The following PITPNC1 variants were observed in gnomAD, a reference collection of about 807,000 sequenced individuals.
The protein encoded by PITPNC1 is cytoplasmic phosphatidylinositol transfer protein 1.
In PITPNC1, 18 loss-of-function variants were observed where a neutral mutation model predicts 44.7. The observed-to-expected ratio is 0.40, with a 90% CI of 0.28 to 0.60. The LOEUF (loss-of-function observed/expected upper bound fraction) is 0.60. Among genes scored for constraint, PITPNC1 ranks in the 20% least tolerant of loss-of-function variants. The pLI is 0.39. For synonymous variants in PITPNC1, 141 were observed against 149.6 expected, an observed-to-expected ratio of 0.94 and a Z score of 0.42; for missense variants, 290 against 418.4, an observed-to-expected ratio of 0.69 and a Z score of 2.68.
intron 5 of PITPNC1, among the ~76,000 whole-genome samples, chr17:67,585,054 T>C (rs2041293396): frequency 6.7e-6 from 1 of 148,714 alleles, no homozygotes; most frequent in Non-Finnish European, 1.5e-5. Context: ...AGGCAGAGAT[T>C]GCAGTGAGCT....
chr17:67,515,613 G>T (rs1307016203), intron 1 of PITPNC1, among the ~76,000 whole-genome samples: 2 of 152,286 alleles, frequency 1.3e-5, no homozygotes, highest in East Asian at 3.9e-4. Context: ...GAGAGTGTGG[G>T]CTGGGCGTGG....
chr17:67,671,089 T>C (rs747658748), intron 7 of PITPNC1, among the ~76,000 whole-genome samples: 1 of 152,172 alleles, frequency 6.6e-6, no homozygotes, highest in Non-Finnish European at 1.5e-5. Context: ...AGTTTCACCA[T>C]GTTGGCAGGG....
chr17:67,501,346 T>A (rs1406151104), intron 1 of PITPNC1, among the ~76,000 whole-genome samples: 5 of 152,128 alleles, frequency 3.3e-5, no homozygotes, highest in Admixed American at 3.3e-4. Context: ...GCACTCCGGG[T>A]TATATGACAT....
intron 2 of PITPNC1, among the ~76,000 whole-genome samples, chr17:67,551,394 G>A (rs186460230): frequency 2.0e-5 from 3 of 152,272 alleles, no homozygotes; most frequent in Admixed American, 6.5e-5. Context: ...TCTGGGGGCC[G>A]GAAACCCAAA....
At chr17:67,625,960 G>A (rs1049034598) in intron 5 of PITPNC1, among the ~76,000 whole-genome samples, 2 of 150,808 alleles carry the variant, frequency 1.3e-5, no homozygotes, top group East Asian at 1.9e-4. Context: ...TCTAGACTAA[G>A]TTGTGGTTTG....
chr17:67,378,196 A>G lies in PITPNC1; in HGVS notation c.42A>G (p.Val14=). 1 of 1,540,118 alleles carries G rather than the reference A, an allele frequency of 6.5e-7. No individual in the cohort carries two copies. The highest frequency in any genetic ancestry group is 8.7e-7 in the Non-Finnish European group (1 of 1,147,242). ...KEYRICMPLT[V]DEYKIGQLYM... ...ACCGGATCTGCATGCCGCTCACCGT[A>G]GACGAGGTAAGCGCCGCGCCCGGCC... Residue 14 remains valine, a synonymous_variant, in exon 1 of 9, where the codon GTA becomes GTG. Coordinates refer to ENST00000581322, the MANE Select transcript of PITPNC1 (RefSeq NM_012417.4).
chr17:67,573,676 G>A (rs1009133843), intron 4 of PITPNC1, among the ~76,000 whole-genome samples: 4 of 143,880 alleles, frequency 2.8e-5, no homozygotes, highest in Non-Finnish European at 3.0e-5. Context: ...GATTCTTCCC[G>A]CTCAGCCTCC....
chr17:67,410,717 A>T (rs563351392), intron 1 of PITPNC1, among the ~76,000 whole-genome samples: 1 of 152,066 alleles, frequency 6.6e-6, no homozygotes, highest in African/African-American at 2.4e-5. Flanking sequence ...TTAGTAGGTG[A>T]GTCTGCGTGT....
intron 1 of PITPNC1, among the ~76,000 whole-genome samples, chr17:67,515,135 G>A (rs369593198): frequency 2.0e-5 from 3 of 152,148 alleles, no homozygotes; most frequent in Non-Finnish European, 2.9e-5. Flanking sequence ...CCTTCATTCC[G>A]CTGTTGCTAA....
At chr17:67,430,857 G>C (rs955974406) in intron 1 of PITPNC1, among the ~76,000 whole-genome samples, 1 of 151,862 alleles carries the variant, frequency 6.6e-6, no homozygotes, top group African/African-American at 2.4e-5. Flanking sequence ...AGGAGGCTGA[G>C]GTGGGAGGAT....
At chr17:67,536,146 C>T (rs1178950246) in intron 2 of PITPNC1, among the ~76,000 whole-genome samples, 1 of 152,030 alleles carries the variant, frequency 6.6e-6, no homozygotes, top group Non-Finnish European at 1.5e-5. Context: ...GTTTTAAAAA[C>T]AGTAATAATA....
At chr17:67,537,958 C>T (rs546352599) in intron 2 of PITPNC1, among the ~76,000 whole-genome samples, 51 of 148,200 alleles carry the variant, frequency 3.4e-4, no homozygotes, top group Admixed American at 2.0e-3. Context: ...GGCGACTGAG[C>T]GAGACTCCAT....
rs34474722 is a variant in PITPNC1, at chr17:67,613,822, C to CAA, written c.367-18307_367-18306dup. On this transcript the variant is annotated intron_variant, in intron 5 of 8. Coordinates refer to ENST00000581322, the MANE Select transcript of PITPNC1 (RefSeq NM_012417.4). ...TGGGCAACAGAGTGAGACTCCGTCT[C>CAA]AAAAAAAAAAAAAAAGGAGTGCTGG... The CAA allele has an allele frequency of 7.7e-3, 588 of 76,748 alleles. 6 individuals are homozygous for CAA. Among genetic ancestry groups the CAA allele is most frequent in the Middle Eastern group, 0.022 (3 of 136 alleles). The allele number at this position is 76,748 out of a possible 1,614,324, so 4.8% of individuals were successfully genotyped here.
chr17:67,673,359 A>T (rs772805017), intron 7 of PITPNC1, among the ~76,000 whole-genome samples: 1 of 152,226 alleles, frequency 6.6e-6, no homozygotes, highest in Non-Finnish European at 1.5e-5. Flanking sequence ...ATGGAAAAGA[A>T]TACCATGAAA....
chr17:67,625,487 T>C (rs181475062), intron 5 of PITPNC1, among the ~76,000 whole-genome samples: 18 of 152,326 alleles, frequency 1.2e-4, no homozygotes, highest in Non-Finnish European at 2.6e-4. Flanking sequence ...AAATGAATCA[T>C]TGCTGTGGCT....
At chr17:67,403,434 T>C (rs1329575698) in intron 1 of PITPNC1, among the ~76,000 whole-genome samples, 1 of 152,134 alleles carries the variant, frequency 6.6e-6, no homozygotes, top group Non-Finnish European at 1.5e-5. Flanking sequence ...GAGGAGAAAA[T>C]TTAGAAAATG....
intron 1 of PITPNC1, among the ~76,000 whole-genome samples, chr17:67,414,877 CTT>C: frequency 6.6e-6 from 1 of 151,818 alleles, no homozygotes; most frequent in African/African-American, 2.4e-5. Flanking sequence ...CACATTCTCT[CTT>C]TTTTATTTTT....
intron 1 of PITPNC1, among the ~76,000 whole-genome samples, chr17:67,510,159 G>A (rs2040164643): frequency 6.6e-6 from 1 of 152,182 alleles, no homozygotes; most frequent in African/African-American, 2.4e-5. Context: ...AGACAGCCTT[G>A]GGCAACACAT....
intron 4 of PITPNC1, among the ~76,000 whole-genome samples, chr17:67,567,076 A>T (rs1482121389): frequency 6.6e-6 from 1 of 152,222 alleles, no homozygotes; most frequent in Non-Finnish European, 1.5e-5. Flanking sequence ...ACGGTATAAC[A>T]CTATTGTCAT....
Sources: allele counts gnomAD v4.1 joint callset (sites outside exome capture counted in the v4.1 genomes callset), GRCh38; gene constraint gnomAD v4.1.1; transcripts MANE v1.5; gene names NCBI Gene and HGNC (gene_info 2026-07-23, HGNC 2026-07-21).